The following GSG1L2 variants were observed in gnomAD, a reference collection of about 807,000 sequenced individuals.
GSG1L2 encodes the protein germ cell-specific gene 1-like protein 2.
In GSG1L2, 15 loss-of-function variants were observed where a neutral mutation model predicts 9.0. The observed-to-expected ratio is 1.67, with a 90% CI of 1.12 to 2.57. The LOEUF is 2.57. Ranked by LOEUF, GSG1L2 falls within the 30% of genes most tolerant of loss-of-function variation. The probability of loss-of-function intolerance (pLI) is 0.00; values close to 1 mark genes in which losing one functional copy is unlikely to be tolerated. For synonymous variants in GSG1L2, 127 were observed against 57.9 expected (o/e 2.19, Z -5.41); for missense variants, 286 against 150.3 (o/e 1.90, Z -4.72).
At chr17:9,809,146 G>C (rs570142124) in intron 2 of GSG1L2, 164 bp from the exon 3 acceptor site, 2 of 608,204 alleles carry the variant, frequency 3.3e-6, no homozygotes, top group South Asian at 3.8e-5. Flanking sequence ...CAATGGAAAG[G>C]CACTCCTCAG....
At position 9,808,855 on chromosome 17, in the gene GSG1L2, C is replaced by G; in HGVS notation, c.486G>C (p.Leu162Phe). ...PGFHWLRVDA[L>F]VAIFMVLAGL... ...CTGCCAGCACCATGAAGATGGCTAC[C>G]AAGGCATCCACCCTGAGCCAGTGGA... The change falls in exon 3 of 5, where the codon TTG becomes TTC. Residue 162 changes from leucine to phenylalanine, a missense_variant. Transcript: ENST00000399363. The G allele has an allele frequency of 1.4e-6, 1 of 702,896 alleles. No individual in the cohort carries two copies. The highest frequency in any genetic ancestry group is 1.5e-5 in the South Asian group (1 of 67,582). The allele number at this position is 702,896 out of a possible 1,614,324, so 43.5% of individuals were successfully genotyped here. A position where few individuals can be genotyped will look rare whatever the true frequency, so the allele number is the denominator to read the frequency against.
At position 9,816,926 on chromosome 17, in the gene GSG1L2, G is replaced by GTA. The variant is rs1357063249; in HGVS notation, c.310+4835_310+4836insTA. Among the ~76,000 whole-genome samples, 27 of 37,372 alleles carry GTA rather than the reference G, an allele frequency of 7.2e-4. 1 individual carries two copies. Among genetic ancestry groups the GTA allele is most frequent in the Non-Finnish European group, 1.2e-3 (25 of 21,486 alleles). The allele number at this position is 37,372 out of a possible 152,430, so 24.5% of individuals were successfully genotyped here. ...TGTGTGTATCTGTGTGTGTGTGTGT[G>GTA]TGTGTGTGTGTGTGTAGTAAACACT... On this transcript the variant is annotated intron_variant, in intron 1 of 4. Transcript: ENST00000399363.
intron 4 of GSG1L2, chr17:9,805,612 A>T (rs2066513714): frequency 6.6e-6 from 1 of 152,182 alleles, no homozygotes; most frequent in Non-Finnish European, 1.5e-5. Flanking sequence ...CTGCTGAAGG[A>T]TGTACTCCCA....
At chr17:9,813,944 CTG>C (rs1491411041) in intron 1 of GSG1L2, among the ~76,000 whole-genome samples, 6 of 151,070 alleles carry the variant, frequency 4.0e-5, no homozygotes, top group African/African-American at 1.5e-4. Flanking sequence ...ACAGTTTTTT[CTG>C]TTTTTTTTGA....
At chr17:9,803,102 T>A (rs911173025) in intron 4 of GSG1L2, among the ~76,000 whole-genome samples, 6 of 12,896 alleles carry the variant, frequency 4.7e-4, no homozygotes, top group African/African-American at 1.6e-3. Context: ...TGTCATTACT[T>A]TTTTTTTTTT....
intron 2 of GSG1L2, chr17:9,809,707 G>A (rs544728760): frequency 6.6e-6 from 1 of 152,434 alleles, no homozygotes; most frequent in African/African-American, 2.4e-5. Context: ...ACCTCTTTAA[G>A]ACAGAAAAGT....
rs1348415068 is a variant in GSG1L2 at position 9,810,599 on chromosome 17, G to A, written c.330C>T (p.Phe110=). 5.7e-6 allele frequency: 4 copies of A among 703,052 alleles called. No homozygotes were observed. The highest frequency in any genetic ancestry group is 1.0e-5 in the Non-Finnish European group (4 of 385,016). The allele number at this position is 703,052 out of a possible 1,614,324, so 43.6% of individuals were successfully genotyped here. Residue 110 remains phenylalanine, a synonymous_variant, in exon 2 of 5, where the codon TTC becomes TTT. Coordinates refer to ENST00000399363, the MANE Select transcript of GSG1L2 (RefSeq NM_001310219.2). ...GTTCTTCAGCTGGCACTACACTCCG[G>A]AAACTCCTACACTTTTCATCTGAAA... ...LNGEDEKCRS[F]RSVVPAEEQG...
chr17:9,806,628 C>T (rs1016162935), intron 4 of GSG1L2, among the ~76,000 whole-genome samples: 4 of 152,196 alleles, frequency 2.6e-5, no homozygotes, highest in Admixed American at 2.6e-4. Flanking sequence ...AAATTGGCCA[C>T]GGTTGAGAAC....
chr17:9,812,916 T>C (rs994505870), intron 1 of GSG1L2, among the ~76,000 whole-genome samples: 1 of 152,230 alleles, frequency 6.6e-6, no homozygotes, highest in Non-Finnish European at 1.5e-5. Context: ...AGACAGCTTT[T>C]TGTAGTAACC....
intron 1 of GSG1L2, among the ~76,000 whole-genome samples, chr17:9,813,668 G>A (rs1357114030): frequency 6.6e-6 from 1 of 152,196 alleles, no homozygotes; most frequent in Non-Finnish European, 1.5e-5. Context: ...CTCGGGGGCT[G>A]ATGCAGAGCC....
chr17:9,817,089 T>TACACACAC (rs60991634), intron 1 of GSG1L2, among the ~76,000 whole-genome samples: 10 of 151,610 alleles, frequency 6.6e-5, no homozygotes, highest in Middle Eastern at 3.4e-3. Context: ...CACGCTGAGT[T>TACACACAC]ACACACACAC....
intron 2 of GSG1L2, chr17:9,809,422 G>C (rs1197097921): frequency 5.4e-6 from 1 of 185,310 alleles, no homozygotes; most frequent in African/African-American, 2.4e-5. Context: ...CGGTAGCAAG[G>C]TTTATTGTGA....
In GSG1L2 at chr17:9,807,543, G is replaced by A; in HGVS notation, c.570C>T (p.Asn190=). 1 of 703,112 alleles carries A rather than the reference G, an allele frequency of 1.4e-6. No homozygotes were observed. The highest frequency in any genetic ancestry group is 2.6e-6 in the Non-Finnish European group (1 of 385,030). 43.6% of individuals were successfully genotyped at this position (703,112 alleles called of 1,614,324 possible). A position where few individuals can be genotyped will look rare whatever the true frequency, so the allele number is the denominator to read the frequency against. The stretch of plus-strand genomic sequence containing the variant: ...GAGGCTTCCAATCTTCTGGTCCAAG[G>A]TTCACAGTGATTTGAAAAATGGTTG... ...MYTTIFQITV[N]LGPEDWKPQT... The change falls in exon 4 of 5, where the codon AAC becomes AAT. Residue 190 remains asparagine, a synonymous_variant. Coordinates refer to ENST00000399363, the MANE Select transcript of GSG1L2 (RefSeq NM_001310219.2).
chr17:9,809,719 C>G (rs1246395624), intron 2 of GSG1L2: 1 of 152,066 alleles, frequency 6.6e-6, no homozygotes, highest in Non-Finnish European at 1.5e-5. Flanking sequence ...CAGAAAAGTT[C>G]CTGATTGGTG....
At chr17:9,808,319 T>G (rs2066523947) in intron 3 of GSG1L2, among the ~76,000 whole-genome samples, 1 of 152,196 alleles carries the variant, frequency 6.6e-6, no homozygotes. Flanking sequence ...GAGTTCTTTA[T>G]TTTTATGGAA....
intron 1 of GSG1L2, among the ~76,000 whole-genome samples, chr17:9,816,918 G>GTGTGTATCTGTGTGTGTGTATC (rs1206575156): frequency 4.4e-5 from 2 of 45,726 alleles, no homozygotes; most frequent in African/African-American, 2.0e-4. Context: ...ATCTGTGTGT[G>GTGTGTATCTGTGTGTGTGTATC]TGTGTGTGTG....
rs1015577197 is a variant in GSG1L2 at position 9,800,616 on chromosome 17, A to T, written c.*1770T>A. On this transcript the variant is annotated 3_prime_UTR_variant, in exon 5 of 5. Coordinates refer to ENST00000399363, the MANE Select transcript of GSG1L2 (RefSeq NM_001310219.2). ...ATAAAAACTTGTCCAAATAGTTTTT[A>T]AAAGTTTATTTCTTCTTTGGCATCC... Among the ~76,000 whole-genome samples, 1 of 152,254 alleles carries T rather than the reference A, an allele frequency of 6.6e-6. No homozygotes were observed. Among genetic ancestry groups the T allele is most frequent in the Non-Finnish European group, 1.5e-5 (1 of 68,048 alleles).
At chr17:9,816,783 G>A (rs1567711469) in intron 1 of GSG1L2, among the ~76,000 whole-genome samples, 1 of 150,830 alleles carries the variant, frequency 6.6e-6, no homozygotes, top group Non-Finnish European at 1.5e-5. Context: ...GTGTGTGTCT[G>A]TGTGTGCGTA....
At chr17:9,805,782 G>C (rs1320568901) in intron 4 of GSG1L2, among the ~76,000 whole-genome samples, 3 of 152,320 alleles carry the variant, frequency 2.0e-5, no homozygotes, top group Middle Eastern at 3.4e-3. Flanking sequence ...AAGTAAAACT[G>C]AGAAGCTAAT....
Sources: gnomAD v4.1 joint callset for allele counts (sites outside exome capture counted in the v4.1 genomes callset) on GRCh38, gnomAD v4.1.1 for gene constraint, MANE v1.5 for transcripts, NCBI Gene and HGNC (gene_info 2026-07-23, HGNC 2026-07-21) for gene names.